The following MED27 variants were observed in gnomAD, a reference collection of about 807,000 sequenced individuals.
MED27 encodes mediator complex subunit 27.
A neutral mutation model predicts 38.2 loss-of-function variants in MED27; 30 were observed. The observed-to-expected ratio is 0.79, with a 90% CI of 0.59 to 1.07. The LOEUF is 1.07. Ranked by LOEUF, MED27 falls within the 50% of genes least tolerant of loss-of-function variation. MED27 has a pLI of 0.00. For missense variants in MED27, 289 were observed against 397.5 expected (o/e 0.73, Z 2.32); for synonymous variants, 122 against 153.5 (o/e 0.79, Z 1.52).
chr9:131,991,555 G>C (rs567148221), intron 3 of MED27, among the ~76,000 whole-genome samples: 2 of 152,078 alleles, frequency 1.3e-5, no homozygotes, highest in Non-Finnish European at 2.9e-5. Flanking sequence ...CTAATTTCCT[G>C]TTTTAAGGCA....
intron 6 of MED27, among the ~76,000 whole-genome samples, chr9:131,876,371 G>T (rs1838933303): frequency 6.6e-6 from 1 of 152,164 alleles, no homozygotes; most frequent in Non-Finnish European, 1.5e-5. Context: ...AGGCTTTCCT[G>T]GTTCAATTTT....
At chr9:131,924,203 G>A (rs1830443937) in intron 4 of MED27, among the ~76,000 whole-genome samples, 1 of 152,198 alleles carries the variant, frequency 6.6e-6, no homozygotes, top group Non-Finnish European at 1.5e-5. Flanking sequence ...AGCAAGGTAT[G>A]AGAGGGCGTT....
In MED27 at chr9:131,860,410, G is replaced by A. The variant is rs1358462579; in HGVS notation, c.*128C>T. On this transcript the variant is annotated 3_prime_UTR_variant, in exon 8 of 8. Transcript: ENST00000292035. The surrounding 1 kb of genome is among the most constrained non-coding windows in gnomAD (Gnocchi z 5.8). ...CAAGAGTGGCCTCTGCACACATGGC[G>A]CTGCTTTATGAAAGGGAGGAGCAGC... is the stretch of plus-strand genomic sequence containing the variant. The A allele has an allele frequency of 8.9e-6, 10 of 1,125,510 alleles. No individual in the cohort carries two copies. Among genetic ancestry groups the A allele is most frequent in the African/African-American group, 8.1e-5 (5 of 61,822 alleles). The allele number at this position is 1,125,510 out of a possible 1,614,324, so 69.7% of individuals were successfully genotyped here. A position where few individuals can be genotyped will look rare whatever the true frequency, so the allele number is the denominator to read the frequency against.
chr9:132,071,765 C>A (rs1390819163), intron 2 of MED27, among the ~76,000 whole-genome samples: 1 of 150,678 alleles, frequency 6.6e-6, no homozygotes, highest in African/African-American at 2.4e-5. Flanking sequence ...CACATGCATA[C>A]GAGTAACACA....
chr9:131,920,676 A>G (rs1830373345), intron 4 of MED27, among the ~76,000 whole-genome samples: 1 of 152,198 alleles, frequency 6.6e-6, no homozygotes, highest in African/African-American at 2.4e-5. Flanking sequence ...AGTCAGTTGC[A>G]CTTGGTGGTA....
At chr9:131,896,818 G>A (rs1223303019) in intron 4 of MED27, among the ~76,000 whole-genome samples, 4 of 152,150 alleles carry the variant, frequency 2.6e-5, no homozygotes, top group African/African-American at 4.8e-5. Context: ...TGTAAACTCC[G>A]CCTCCCGGGT....
intron 4 of MED27, among the ~76,000 whole-genome samples, chr9:131,900,229 C>T (rs1829913914): frequency 6.6e-6 from 1 of 152,238 alleles, no homozygotes; most frequent in South Asian, 2.1e-4. Flanking sequence ...TGCCTAGCCC[C>T]CCCATCAGGT....
At chr9:132,031,297 A>C (rs1427276424) in intron 2 of MED27, among the ~76,000 whole-genome samples, 2 of 152,258 alleles carry the variant, frequency 1.3e-5, no homozygotes, top group South Asian at 2.1e-4. Context: ...CAGAAATAGC[A>C]ATCACAGTAT....
chr9:131,947,458 C>T (rs1450056372), intron 3 of MED27, among the ~76,000 whole-genome samples: 14 of 152,094 alleles, frequency 9.2e-5, no homozygotes, highest in Admixed American at 9.2e-4. Flanking sequence ...ATTAATTCTG[C>T]AAAACATTAG....
intron 3 of MED27, among the ~76,000 whole-genome samples, chr9:131,995,101 G>A (rs965345367): frequency 6.6e-6 from 1 of 152,152 alleles, no homozygotes; most frequent in Non-Finnish European, 1.5e-5. Flanking sequence ...TGAGTGGTCT[G>A]CTCAGATTGT....
intron 2 of MED27, among the ~76,000 whole-genome samples, chr9:132,025,145 A>T (rs1411149077): frequency 6.6e-6 from 1 of 151,044 alleles, no homozygotes; most frequent in East Asian, 1.9e-4. Flanking sequence ...AACAATGGGC[A>T]TGTTTTTGGT....
chr9:131,994,523 C>T (rs1832049427), intron 3 of MED27, among the ~76,000 whole-genome samples: 1 of 152,222 alleles, frequency 6.6e-6, no homozygotes, highest in Admixed American at 6.5e-5. Context: ...CTGCAGAAAC[C>T]AGATGAATCC....
intron 4 of MED27, among the ~76,000 whole-genome samples, chr9:131,909,490 C>T (rs1462027104): frequency 6.6e-6 from 1 of 152,182 alleles, no homozygotes; most frequent in African/African-American, 2.4e-5. Flanking sequence ...CAGGACTGTC[C>T]TCTTGATAAG....
intron 3 of MED27, among the ~76,000 whole-genome samples, chr9:132,001,343 T>A (rs1832230056): frequency 1.3e-5 from 2 of 152,086 alleles, no homozygotes; most frequent in South Asian, 4.1e-4. Context: ...TTTAAACAGG[T>A]ATAATTGATT....
At chr9:131,977,175 G>A (rs917740852) in intron 3 of MED27, among the ~76,000 whole-genome samples, 5 of 152,142 alleles carry the variant, frequency 3.3e-5, no homozygotes, top group African/African-American at 4.8e-5. Context: ...GGAACTCCGC[G>A]TGTGCCACAT....
rs1048656866 is a variant in MED27 at position 131,889,261 on chromosome 9, C to G, written c.681+4624G>C. Among the ~76,000 whole-genome samples, 1 of 152,214 alleles carries G rather than the reference C, an allele frequency of 6.6e-6. No individual in the cohort carries two copies. The highest frequency in any genetic ancestry group is 1.5e-5 in the Non-Finnish European group (1 of 68,036). On this transcript the variant is annotated intron_variant, in intron 5 of 7. Transcript: ENST00000292035. The surrounding 1 kb of genome is among the most constrained non-coding windows in gnomAD (Gnocchi z 4.2). ...CTGTCTTTGAAGGTTTCCTTTGATACCACCATTTCTTTTCCTCTCTTATGC... is the reference window on the plus strand; with the variant it reads ...CTGTCTTTGAAGGTTTCCTTTGATAGCACCATTTCTTTTCCTCTCTTATGC...
intron 3 of MED27, among the ~76,000 whole-genome samples, chr9:131,967,340 CA>C (rs931438798): frequency 3.3e-5 from 5 of 152,082 alleles, no homozygotes; most frequent in Non-Finnish European, 7.4e-5. Context: ...TGTGAATCAA[CA>C]AAAAATGCTC....
chr9:131,960,691 A>C lies in MED27; in HGVS notation c.480-21217T>G, dbSNP rs551050099. Among the ~76,000 whole-genome samples, 3 of 152,310 alleles carry C rather than the reference A, an allele frequency of 2.0e-5. No homozygotes were observed. The East Asian group carries it at 5.8e-4, about 29-fold the overall frequency. ...ACATGAATAATAATGAGGGATGACA[A>C]ATTGGAGCGTATGTACAGAAGATGA... On this transcript the variant is annotated intron_variant, in intron 3 of 7. Coordinates refer to ENST00000292035, the MANE Select transcript of MED27 (RefSeq NM_004269.4).
chr9:131,930,724 T>G (rs1830569361), intron 4 of MED27, among the ~76,000 whole-genome samples: 2 of 152,200 alleles, frequency 1.3e-5, no homozygotes, highest in South Asian at 4.1e-4. Context: ...CGTAATATTA[T>G]GATACTGTAA....
Sources: gnomAD v4.1 joint callset for allele counts (sites outside exome capture counted in the v4.1 genomes callset) on GRCh38, gnomAD v4.1.1 for gene constraint, Gnocchi (gnomAD v3.1) non-coding constraint, MANE v1.5 for transcripts, NCBI Gene and HGNC (gene_info 2026-07-23, HGNC 2026-07-21) for gene names.